The following PCDH11X variants were observed in gnomAD, a reference collection of about 807,000 sequenced individuals.
PCDH11X encodes protocadherin-11 X-linked.
In PCDH11X, 18 loss-of-function variants were observed where a neutral mutation model predicts 53.3. The observed-to-expected ratio is 0.34, with a 90% CI of 0.23 to 0.50. The LOEUF (loss-of-function observed/expected upper bound fraction) is 0.50. Among genes scored for constraint, PCDH11X ranks in the 20% least tolerant of loss-of-function variants. The pLI is 0.98. For synonymous variants in PCDH11X, 279 were observed against 393.3 expected (o/e 0.71, Z 3.44); for missense variants, 570 against 1,032.4 (o/e 0.55, Z 6.14).
At position 91,815,211 on chromosome X, in the gene PCDH11X, T is replaced by C. The variant is rs375418860; in HGVS notation, c.-45+3916T>C. 6.2e-5 allele frequency among the ~76,000 whole-genome samples: 7 copies of C among 112,187 alleles called. No individual in the cohort carries two copies. The South Asian group carries it at 1.8e-3, about 29-fold the overall frequency. On this transcript the variant is annotated intron_variant, in intron 4 of 10. Coordinates refer to ENST00000682573, the MANE Select transcript of PCDH11X (RefSeq NM_032968.5). Reference sequence around the variant, plus strand: ...TCTTTAAAAAATTTAAATTTTTTAATGCCAGGATAGTTTATATTTGGATAT... The same window carrying C: ...TCTTTAAAAAATTTAAATTTTTTAACGCCAGGATAGTTTATATTTGGATAT...
At chrX:92,084,223 C>T (rs1309553166) in intron 6 of PCDH11X, among the ~76,000 whole-genome samples, 2 of 110,967 alleles carry the variant, frequency 1.8e-5, no homozygotes, top group East Asian at 2.9e-4. Context: ...TTAAGCTCAC[C>T]GTTTTAGTAA....
At chrX:92,472,787 T>C (rs2073295211) in intron 10 of PCDH11X, among the ~76,000 whole-genome samples, 2 of 111,151 alleles carry the variant, frequency 1.8e-5, no homozygotes, top group African/African-American at 6.5e-5. Context: ...TTGTGTCATC[T>C]CTGATTTCTC....
At chrX:92,018,810 T>C (rs1281081669) in intron 6 of PCDH11X, among the ~76,000 whole-genome samples, 1 of 112,636 alleles carries the variant, frequency 8.9e-6, no homozygotes, top group Non-Finnish European at 1.9e-5. Context: ...TCATTGCCTG[T>C]GTTCTAGGCA....
chrX:92,534,204 C>T (rs776543480), intron 10 of PCDH11X, among the ~76,000 whole-genome samples: 1 of 110,401 alleles, frequency 9.1e-6, no homozygotes, highest in South Asian at 3.9e-4. Context: ...TAGAGAAGAC[C>T]TTAAATGACC....
At chrX:92,524,833 A>G (rs2074422926) in intron 10 of PCDH11X, among the ~76,000 whole-genome samples, 1 of 111,501 alleles carries the variant, frequency 9.0e-6, no homozygotes, top group African/African-American at 3.3e-5. Flanking sequence ...GTATGTGTAT[A>G]GTAATACCTA....
intron 8 of PCDH11X, among the ~76,000 whole-genome samples, chrX:92,319,621 A>T (rs2069155793): frequency 1.8e-5 from 2 of 110,454 alleles, no homozygotes; most frequent in Admixed American, 1.9e-4. Context: ...GGTCCCCCAG[A>T]TTGCTGGGAT....
At chrX:92,559,721 G>T (rs1056461104) in intron 10 of PCDH11X, among the ~76,000 whole-genome samples, 1 of 110,580 alleles carries the variant, frequency 9.0e-6, no homozygotes, top group Non-Finnish European at 1.9e-5. Context: ...ATGAAGCTGT[G>T]CTGGGCTTAG....
chrX:92,330,117 A>G (rs765561201), intron 8 of PCDH11X, among the ~76,000 whole-genome samples: 1 of 110,668 alleles, frequency 9.0e-6, no homozygotes, highest in Admixed American at 9.7e-5. Context: ...CACCTACTAT[A>G]TACCCGCAAA....
intron 1 of PCDH11X, among the ~76,000 whole-genome samples, chrX:91,787,865 T>C (rs916166299): frequency 5.4e-5 from 6 of 110,424 alleles, no homozygotes; most frequent in African/African-American, 1.3e-4. Flanking sequence ...AAGTAATATA[T>C]AGTCACATTA....
intron 6 of PCDH11X, among the ~76,000 whole-genome samples, chrX:91,973,834 C>T (rs192663324): frequency 0.023 from 2,477 of 109,998 alleles, 62 homozygotes; most frequent in African/African-American, 0.077. Context: ...AGGCTGGTCT[C>T]GAACTCCTGA....
rs185090448 is a variant in PCDH11X at position 92,472,070 on chromosome X, T to C, written c.3367+3748T>C. On this transcript the variant is annotated intron_variant, in intron 10 of 10. Transcript: ENST00000682573. ...TTCCATAGATTGTTTACTCTGTTGATAGTTTATTTTTGCTATGAAGCAGCC... is the reference window on the plus strand; with the variant it reads ...TTCCATAGATTGTTTACTCTGTTGACAGTTTATTTTTGCTATGAAGCAGCC... 9.8e-3 allele frequency among the ~76,000 whole-genome samples: 1,090 copies of C among 111,139 alleles called. 14 individuals carry two copies. Among genetic ancestry groups the C allele is most frequent in the African/African-American group, 0.034 (1,048 of 30,619 alleles).
intron 6 of PCDH11X, among the ~76,000 whole-genome samples, chrX:92,176,599 A>G (rs1214825589): frequency 8.9e-6 from 1 of 112,231 alleles, no homozygotes; most frequent in Non-Finnish European, 1.9e-5. Flanking sequence ...AATGAACTAG[A>G]TAACATATTC....
chrX:91,984,092 A>G (rs1051205044), intron 6 of PCDH11X, among the ~76,000 whole-genome samples: 7 of 94,075 alleles, frequency 7.4e-5, no homozygotes, highest in Non-Finnish European at 1.0e-4. Flanking sequence ...TAGGATTATT[A>G]TAGTATTATT....
At chrX:92,258,972 G>T (rs1180184502) in intron 7 of PCDH11X, among the ~76,000 whole-genome samples, 1 of 110,934 alleles carries the variant, frequency 9.0e-6, no homozygotes, top group Non-Finnish European at 1.9e-5. Flanking sequence ...ATGCTGCCAG[G>T]TTCTTTGCTA....
At chrX:91,857,422 A>G (rs1008068339) in intron 5 of PCDH11X, among the ~76,000 whole-genome samples, 1 of 111,416 alleles carries the variant, frequency 9.0e-6, no homozygotes, top group African/African-American at 3.3e-5. Flanking sequence ...TTTAAAGCCA[A>G]TCATAGCTTC....
intron 5 of PCDH11X, among the ~76,000 whole-genome samples, chrX:91,839,002 A>G (rs1290226165): frequency 4.9e-4 from 55 of 113,268 alleles, no homozygotes; most frequent in Non-Finnish European, 9.2e-4. Flanking sequence ...TGTATGTAGT[A>G]TAAAATTTCA....
chrX:92,422,938 T>C (rs1177497596), intron 9 of PCDH11X, among the ~76,000 whole-genome samples: 1 of 108,582 alleles, frequency 9.2e-6, no homozygotes, highest in African/African-American at 3.3e-5. Context: ...AAACTCTGCC[T>C]CCCAGGTTCA....
intron 6 of PCDH11X, among the ~76,000 whole-genome samples, chrX:91,973,434 A>G (rs1483064059): frequency 2.9e-5 from 3 of 101,809 alleles, no homozygotes; most frequent in Non-Finnish European, 6.0e-5. Flanking sequence ...AACTTAAAGT[A>G]TAATAAAAAA....
At chrX:92,518,316 T>C (rs12557068) in intron 10 of PCDH11X, among the ~76,000 whole-genome samples, 5,125 of 111,396 alleles carry the variant, frequency 0.046, 92 homozygotes, top group South Asian at 0.11. Flanking sequence ...TTCATTTACT[T>C]TATCCTTACC....
Sources: gnomAD v4.1 joint callset for allele counts (sites outside exome capture counted in the v4.1 genomes callset) on GRCh38, gnomAD v4.1.1 for gene constraint, MANE v1.5 for transcripts, NCBI Gene and HGNC (gene_info 2026-07-23, HGNC 2026-07-21) for gene names.